The following CCDC88C variants were observed in gnomAD, a reference collection of about 807,000 sequenced individuals.
CCDC88C encodes protein Daple.
A neutral mutation model predicts 198.8 loss-of-function variants in CCDC88C; 131 were observed. The ratio of observed to expected loss-of-function variants is 0.66; its 90% confidence interval spans 0.57 to 0.76. The LOEUF is 0.76. Among genes scored for constraint, CCDC88C ranks in the 30% least tolerant of loss-of-function variants. The pLI, the probability that CCDC88C is intolerant of heterozygous loss-of-function variation, is 0.00. For synonymous variants in CCDC88C, 1,166 were observed against 1,114.7 expected, an observed-to-expected ratio of 1.05 and a Z score of -0.92; for missense variants, 2,553 against 2,631.6, an observed-to-expected ratio of 0.97 and a Z score of 0.65.
In CCDC88C at chr14:91,313,511, G is replaced by A. The variant is rs754577307; in HGVS notation, c.2305C>T (p.Leu769Phe). 13 of 1,608,702 alleles carry A rather than the reference G, an allele frequency of 8.1e-6. No individual in the cohort carries two copies. The East Asian group carries it at 1.8e-4, about 22-fold the overall frequency. Reference sequence around the variant, plus strand: ...CTCTCCAGGCTCTGCTGCAGCCGGAGGTTCTCAGCGCTCACGCTCTGGTAG... The same window carrying A: ...CTCTCCAGGCTCTGCTGCAGCCGGAAGTTCTCAGCGCTCACGCTCTGGTAG... ...LSYQSVSAEN[L>F]RLQQSLESSS... Residue 769 changes from leucine to phenylalanine, a missense_variant, in exon 15 of 30, where the codon CTC (leucine) becomes TTC (phenylalanine). By Grantham distance (22) the Leu-to-Phe change is conservative (BLOSUM62 0). Transcript: ENST00000389857. This position sits in a 1 kb window ranked among gnomAD's most constrained non-coding sequence, Gnocchi z 5.2.
At chr14:91,411,905 A>G (rs1255154327) in intron 2 of CCDC88C, among the ~76,000 whole-genome samples, 2 of 151,436 alleles carry the variant, frequency 1.3e-5, no homozygotes, top group Non-Finnish European at 2.9e-5. Context: ...AGAGGTTGCA[A>G]TGAGCAGAGA....
intron 4 of CCDC88C, among the ~76,000 whole-genome samples, chr14:91,359,417 G>A (rs1190420471): frequency 2.0e-5 from 3 of 152,170 alleles, no homozygotes; most frequent in East Asian, 3.9e-4. Context: ...GATTACAGGC[G>A]TGAGCCACCG....
intron 4 of CCDC88C, among the ~76,000 whole-genome samples, chr14:91,350,567 T>C (rs542459583): frequency 7.6e-4 from 115 of 152,292 alleles, no homozygotes; most frequent in African/African-American, 2.7e-3. Context: ...CAAGCATCCC[T>C]TTCCCTTCCT....
Position 91,285,299 on chromosome 14 carries a change from AG to A in CCDC88C, c.4442-1783del, listed in dbSNP as rs1596021541. ...TTGACAGAGGCTGTACATTTTAGGA[AG>A]TGCAGCAACCACCCGCCAGTGCTGC... On this transcript the variant is annotated intron_variant, in intron 25 of 29. Coordinates refer to ENST00000389857, the MANE Select transcript of CCDC88C (RefSeq NM_001080414.4). The A allele has an allele frequency of 1.8e-5, 6 of 340,586 alleles. No individual in the cohort carries two copies. In the East Asian group the frequency reaches 4.8e-4, roughly 27 times the overall value. The allele number at this position is 340,586 out of a possible 1,614,324, so 21.1% of individuals were successfully genotyped here.
chr14:91,290,650 A>G (rs929449210), intron 24 of CCDC88C, among the ~76,000 whole-genome samples: 1 of 152,248 alleles, frequency 6.6e-6, no homozygotes, highest in African/African-American at 2.4e-5. Flanking sequence ...AAATAGGAAC[A>G]TGGGTGTCCA....
Position 91,315,797 on chromosome 14 carries a change from CA to C in CCDC88C, c.1528-11del. On this transcript the variant is annotated splice_polypyrimidine_tract_variant and intron_variant, in intron 13 of 29. Coordinates refer to ENST00000389857, the MANE Select transcript of CCDC88C (RefSeq NM_001080414.4). Reference sequence around the variant, plus strand: ...TTTGTAACTTTTCAATCTGCAGAACCAAAAGACCCAGCCCAGTGCAGACATC... The same window carrying C: ...TTTGTAACTTTTCAATCTGCAGAACCAAAGACCCAGCCCAGTGCAGACATC... 1 of 1,609,398 alleles carries C rather than the reference CA, an allele frequency of 6.2e-7. No homozygotes were observed. The highest frequency in any genetic ancestry group is 1.7e-5 in the Admixed American group (1 of 59,312).
At position 91,339,686 on chromosome 14, in the gene CCDC88C, C is replaced by A. The variant is rs1282157751; in HGVS notation, c.624+198G>T. On this transcript the variant is annotated intron_variant, in intron 7 of 29. Transcript: ENST00000389857. This position sits in a 1 kb window ranked among gnomAD's most constrained non-coding sequence, Gnocchi z 5.8. Reference sequence around the variant, plus strand: ...AGGAGGAGGGCCCCAAGCTCCGCGTCCTGATTCCCTGTATCCTCCCACAGG... The same window carrying A: ...AGGAGGAGGGCCCCAAGCTCCGCGTACTGATTCCCTGTATCCTCCCACAGG... Among the ~76,000 whole-genome samples the A allele has an allele frequency of 3.9e-5, 6 of 152,184 alleles. No individual in the cohort carries two copies. The highest frequency in any genetic ancestry group is 8.8e-5 in the Non-Finnish European group (6 of 68,034).
chr14:91,411,264 T>G (rs1003440080), intron 2 of CCDC88C, among the ~76,000 whole-genome samples: 7 of 152,052 alleles, frequency 4.6e-5, no homozygotes, highest in African/African-American at 1.7e-4. Flanking sequence ...AAAATGGGAA[T>G]CAAGAGACAT....
At chr14:91,385,592 C>T (rs1366995831) in intron 3 of CCDC88C, among the ~76,000 whole-genome samples, 3 of 152,214 alleles carry the variant, frequency 2.0e-5, no homozygotes, top group Non-Finnish European at 4.4e-5. Flanking sequence ...AGGCCAAACT[C>T]GGACATCAAA....
chr14:91,389,889 G>A (rs1446734980), intron 3 of CCDC88C, among the ~76,000 whole-genome samples: 4 of 151,760 alleles, frequency 2.6e-5, no homozygotes, highest in South Asian at 2.1e-4. Flanking sequence ...TGGCTAACAC[G>A]GTGAAACCCC....
chr14:91,316,020 T>G, intron 13 of CCDC88C: 1 of 505,838 alleles, frequency 2.0e-6, no homozygotes. Flanking sequence ...TGCCCCATCC[T>G]TGCTGCCATG....
chr14:91,350,426 T>C (rs886869420), intron 4 of CCDC88C, among the ~76,000 whole-genome samples: 3 of 152,296 alleles, frequency 2.0e-5, no homozygotes, highest in African/African-American at 7.2e-5. Context: ...CCTCCCAAAG[T>C]GCCGGGATTA....
Position 91,284,624 on chromosome 14 carries a change from A to T in CCDC88C, c.4442-1107T>A, listed in dbSNP as rs1374767526. Among the ~76,000 whole-genome samples the T allele has an allele frequency of 6.6e-6, 1 of 152,232 alleles. No homozygotes were observed. Among genetic ancestry groups the T allele is most frequent in the Non-Finnish European group, 1.5e-5 (1 of 68,044 alleles). On this transcript the variant is annotated intron_variant, in intron 25 of 29. Coordinates refer to ENST00000389857, the MANE Select transcript of CCDC88C (RefSeq NM_001080414.4). This position sits in a 1 kb window ranked among gnomAD's most constrained non-coding sequence, Gnocchi z 4.1. ...AGGCAGGTCTGGAGGACCCGGCACC[A>T]CGGCAGCCCAGGGTTCCCAGAGCGA... is the stretch of plus-strand genomic sequence containing the variant.
In CCDC88C at chr14:91,417,623, G is replaced by T. The variant is rs3742654; in HGVS notation, c.60+8C>A. On this transcript the variant is annotated splice_region_variant and intron_variant, in intron 1 of 29. Coordinates refer to ENST00000389857, the MANE Select transcript of CCDC88C (RefSeq NM_001080414.4). ...CCAACAAAGGGGCGGGGAGCCAGGC[G>T]CACTCACCCAGGTCACCAGCGGGCT... The T allele has an allele frequency of 0.42, 659,495 of 1,580,304 alleles. 140,642 individuals carry two copies. The highest frequency in any genetic ancestry group is 0.44 in the South Asian group (38,167 of 87,326).
At chr14:91,409,490 C>CT (rs66484836) in intron 2 of CCDC88C, among the ~76,000 whole-genome samples, 274 of 140,400 alleles carry the variant, frequency 2.0e-3, no homozygotes, top group South Asian at 8.9e-3. Flanking sequence ...CGGTACATTT[C>CT]TTTTTTTTTT....
At chr14:91,354,767 G>A (rs909930017) in intron 4 of CCDC88C, among the ~76,000 whole-genome samples, 8 of 152,134 alleles carry the variant, frequency 5.3e-5, no homozygotes, top group Admixed American at 5.2e-4. Context: ...GCATTCGAAC[G>A]CACTGACAAC....
In CCDC88C at chr14:91,303,851, G is replaced by A. The variant is rs574450514; in HGVS notation, c.3485C>T (p.Ala1162Val). 6.8e-6 allele frequency: 11 copies of A among 1,613,096 alleles called. No individual in the cohort carries two copies. In the South Asian group the frequency reaches 7.7e-5, roughly 11 times the overall value. ...GTCCTGCAGCAGGGCCTCGTAGGCC[G>A]CTGTAAGTTGCTCCTGCTGCCTCTG... ...SLQRQQEQLT[A>V]AYEALLQDHE... Residue 1162 changes from alanine to valine, a missense_variant, in exon 20 of 30, where the codon GCG (alanine) becomes GTG (valine). Ala to Val is a moderately conservative substitution (Grantham distance 64). This residue lies in a region of CCDC88C where 1,293 missense variants were observed against 1,219.6 expected (regional missense o/e 1.06). Transcript: ENST00000389857.
intron 3 of CCDC88C, chr14:91,379,806 G>A: frequency 2.8e-6 from 2 of 702,942 alleles, no homozygotes; most frequent in South Asian, 1.5e-5. Flanking sequence ...CACTTCCACT[G>A]GGTTTGTTTG....
At chr14:91,332,995 G>C (rs375924662) in intron 10 of CCDC88C, among the ~76,000 whole-genome samples, 2 of 152,272 alleles carry the variant, frequency 1.3e-5, no homozygotes, top group South Asian at 4.1e-4. Context: ...GAAGAGCCTC[G>C]GGCGGGGGTC....
Sources: gnomAD v4.1 joint callset for allele counts (sites outside exome capture counted in the v4.1 genomes callset) on GRCh38, gnomAD v4.1.1 for gene constraint, gnomAD v4.1.1 regional missense constraint, Gnocchi (gnomAD v3.1) non-coding constraint, MANE v1.5 for transcripts, NCBI Gene and HGNC (gene_info 2026-07-23, HGNC 2026-07-21) for gene names.